Variants in HNRNPH1 observed in about 807,000 individuals in gnomAD.
HNRNPH1 encodes the protein heterogeneous nuclear ribonucleoprotein H1.
In HNRNPH1, 4 loss-of-function variants were observed where a neutral mutation model predicts 58.6. The ratio of observed to expected loss-of-function variants is 0.07; its 90% CI spans 0.03 to 0.16. The LOEUF (loss-of-function observed/expected upper bound fraction) is 0.16, where lower values mean the gene tolerates loss of function less well. Ranked by LOEUF, HNRNPH1 falls within the 10% of genes least tolerant of loss-of-function variation. HNRNPH1 has a pLI of 1.00. For missense variants in HNRNPH1, 271 were observed against 564.2 expected, an observed-to-expected ratio of 0.48 and a Z score of 5.26; for synonymous variants, 192 against 189.2, an observed-to-expected ratio of 1.01 and a Z score of -0.12.
rs547637514 is a variant in HNRNPH1, at chr5:179,623,678, G to T, written c.-545C>A. 2 of 152,874 alleles carry T rather than the reference G, an allele frequency of 1.3e-5. No homozygotes were observed. The highest frequency in any genetic ancestry group is 6.5e-5 in the Admixed American group (1 of 15,326). 9.5% of individuals were successfully genotyped at this position (152,874 alleles called of 1,614,324 possible). ...GCGTGGCTAAGACGAAATGGCCAGCGGGCGCCTGCGCAACCTAAATAAGGT... is the reference window on the plus strand; with the variant it reads ...GCGTGGCTAAGACGAAATGGCCAGCTGGCGCCTGCGCAACCTAAATAAGGT... On this transcript the variant is annotated 5_prime_UTR_variant, in exon 1 of 13. Transcript: ENST00000356731.
chr5:179,621,735 CATACTTCG>C (rs1313588755), intron 1 of HNRNPH1: 1 of 382,646 alleles, frequency 2.6e-6, no homozygotes, highest in African/African-American at 2.1e-5. Flanking sequence ...TTACGGCAAA[CATACTTCG>C]TTGCGAGCTG....
rs146777661 is a variant in HNRNPH1, at chr5:179,616,439, G to T, written c.1208-221C>A. The T allele has an allele frequency of 5.9e-4, 333 of 568,862 alleles. 3 individuals carry two copies. The highest frequency in any genetic ancestry group is 5.8e-3 in the African/African-American group (307 of 53,356). The allele number at this position is 568,862 out of a possible 1,614,324, so 35.2% of individuals were successfully genotyped here. On this transcript the variant is annotated intron_variant, in intron 10 of 12. Transcript: ENST00000356731. ...CAAAGTGCTAACGGTACACACATCA[G>T]CAGGACTAAAATCAACATGATTCCG...
intron 8 of HNRNPH1, 137 bp downstream of exon 9, chr5:179,617,377 T>A (rs1770280514): frequency 7.7e-6 from 8 of 1,037,744 alleles, no homozygotes; most frequent in Non-Finnish European, 1.1e-5. Flanking sequence ...TTCAACACAC[T>A]GCCCCCGCAT....
upstream of HNRNPH1, among the ~76,000 whole-genome samples, chr5:179,627,570 C>T (rs1774502134): frequency 6.6e-6 from 1 of 151,520 alleles, no homozygotes; most frequent in Non-Finnish European, 1.5e-5. Flanking sequence ...TATGTGATCT[C>T]GGCTCACTGC....
chr5:179,619,474 C>A, intron 3 of HNRNPH1, 67 bp from the exon 5 acceptor site: 2 of 1,440,916 alleles, frequency 1.4e-6, no homozygotes, highest in East Asian at 2.3e-5. Context: ...AGAAATGATT[C>A]TTCTTATAGC....
At chr5:179,618,500 G>T (rs963149159) in intron 4 of HNRNPH1, 177 bp from the exon 6 acceptor site, 24 of 425,504 alleles carry the variant, frequency 5.6e-5, no homozygotes, top group Non-Finnish European at 6.2e-5. Flanking sequence ...TCAATAAATA[G>T]TAAGACAATG....
chr5:179,632,322 G>A (rs756101964), intron 2 of HNRNPH1, among the ~76,000 whole-genome samples: 20 of 151,238 alleles, frequency 1.3e-4, no homozygotes, highest in African/African-American at 3.6e-4. Context: ...AAAAAAAAAA[G>A]AAAAAAGAAA....
At chr5:179,632,754 T>C (rs868418063) in intron 2 of HNRNPH1, among the ~76,000 whole-genome samples, 5 of 4,500 alleles carry the variant, frequency 1.1e-3, no homozygotes, top group Non-Finnish European at 2.4e-3. Context: ...ATCAAATATC[T>C]TTTTTTTTTT....
In HNRNPH1 at chr5:179,617,007, A is replaced by G. The variant is rs369372264; in HGVS notation, c.1117+44T>C. 14 of 1,598,850 alleles carry G rather than the reference A, an allele frequency of 8.8e-6. No homozygotes were observed. The East Asian group carries it at 9.0e-5, about 10-fold the overall frequency. ...AAGGTTAGCTTAAAAAAAAGACACT[A>G]AAGTGATATTTACACAAACCCATGC... On this transcript the variant is annotated intron_variant, in intron 9 of 12. Transcript: ENST00000356731.
At chr5:179,618,563 C>A (rs1770881081) in intron 4 of HNRNPH1, 2 of 384,988 alleles carry the variant, frequency 5.2e-6, no homozygotes, top group Non-Finnish European at 9.2e-6. Flanking sequence ...AGAGCCCAAC[C>A]TTAGGGGTAG....
chr5:179,623,335 A>G (rs766510265), exon 1 of HNRNPH1: 56 of 413,760 alleles, frequency 1.4e-4, no homozygotes, highest in Non-Finnish European at 2.0e-4. Context: ...AGCTGTCCTG[A>G]GCAACAGCTG....
chr5:179,621,482 C>G (rs1280158139), intron 1 of HNRNPH1, 85 bp from the exon 3 acceptor site: 1 of 1,152,684 alleles, frequency 8.7e-7, no homozygotes, highest in African/African-American at 1.6e-5. Flanking sequence ...TTCCATGTCC[C>G]CACTACAAAT....
At chr5:179,629,420 C>G (rs1581770287), upstream of HNRNPH1, 1 of 139,722 alleles carries the variant, frequency 7.2e-6, no homozygotes, top group African/African-American at 2.7e-5. Context: ...AGCCTCCCAA[C>G]AAGTAGCTGG....
chr5:179,615,926 A>G, intron 11 of HNRNPH1, 200 bp downstream of exon 12: 1 of 546,498 alleles, frequency 1.8e-6, no homozygotes, highest in Non-Finnish European at 3.3e-6. Flanking sequence ...ATTAGCTAGT[A>G]AAAACAGTTA....
upstream of HNRNPH1, chr5:179,629,015 C>CTCTCGCTCAG (rs1774596251): frequency 2.0e-5 from 3 of 151,178 alleles, no homozygotes; most frequent in Admixed American, 2.0e-4. Context: ...ATAAATAACC[C>CTCTCGCTCAG]GGCTGGGCGC....
intron 6 of HNRNPH1, 21 bp from the exon 8 acceptor site, chr5:179,617,953 G>C: frequency 6.2e-7 from 1 of 1,614,028 alleles, no homozygotes; most frequent in East Asian, 2.2e-5. Flanking sequence ...AAGAGTGTAA[G>C]CATCCTTCAA....
chr5:179,622,284 G>A (rs189050284), intron 1 of HNRNPH1, among the ~76,000 whole-genome samples: 25 of 152,250 alleles, frequency 1.6e-4, no homozygotes, highest in Middle Eastern at 3.4e-3. Flanking sequence ...TCCTTTTTAA[G>A]AAAACACCAA....
At chr5:179,633,176 G>A (rs1437029626) in intron 2 of HNRNPH1, among the ~76,000 whole-genome samples, 6 of 150,558 alleles carry the variant, frequency 4.0e-5, no homozygotes, top group African/African-American at 1.5e-4. Context: ...ATTTTCAGTA[G>A]AGATGGGGTT....
chr5:179,619,195 T>C (rs1340680098), intron 4 of HNRNPH1, 74 bp downstream of exon 5: 1 of 1,286,636 alleles, frequency 7.8e-7, no homozygotes. Context: ...ATTTCTTCTT[T>C]TAAGCAGAGA....
Sources: gnomAD v4.1 joint callset for allele counts (sites outside exome capture counted in the v4.1 genomes callset) on GRCh38, gnomAD v4.1.1 for gene constraint, MANE v1.5 for transcripts, NCBI Gene and HGNC (gene_info 2026-07-23, HGNC 2026-07-21) for gene names.